The following MED12L variants were observed in gnomAD, a reference collection of about 807,000 sequenced individuals.
The protein encoded by MED12L is mediator of RNA polymerase II transcription subunit 12-like protein.
MED12L carries 60 observed loss-of-function variants against 281.3 expected under a neutral mutation model. The ratio of observed to expected loss-of-function variants is 0.21; its 90% CI spans 0.17 to 0.26. The LOEUF is 0.26. Ranked by LOEUF, MED12L falls within the 10% of genes least tolerant of loss-of-function variation. The pLI is 1.00. For missense variants in MED12L, 2,146 were observed against 2,680.9 expected (o/e 0.80, Z 4.41); for synonymous variants, 974 against 987.2 (o/e 0.99, Z 0.25).
intron 2 of MED12L, among the ~76,000 whole-genome samples, chr3:151,092,679 T>C (rs1195801457): frequency 2.0e-5 from 3 of 152,162 alleles, no homozygotes; most frequent in Non-Finnish European, 4.4e-5. Flanking sequence ...GGGGAGGATG[T>C]TGATAAAGTT....
At chr3:151,382,046 C>T (rs1241489009) in intron 32 of MED12L, among the ~76,000 whole-genome samples, 1 of 152,054 alleles carries the variant, frequency 6.6e-6, no homozygotes, top group Non-Finnish European at 1.5e-5. Flanking sequence ...CCACTTGTGG[C>T]TCCCTTTCCT....
intron 16 of MED12L, among the ~76,000 whole-genome samples, chr3:151,214,759 G>T (rs1012038266): frequency 6.6e-6 from 1 of 152,082 alleles, no homozygotes; most frequent in Non-Finnish European, 1.5e-5. Context: ...AATAATAATG[G>T]TTCCCTATAA....
rs369126102 is a variant in MED12L at position 151,199,016 on chromosome 3, C to T, written c.2250+5350C>T. On this transcript the variant is annotated intron_variant, in intron 16 of 44. Coordinates refer to ENST00000687756, the MANE Select transcript of MED12L (RefSeq NM_001393769.1). The stretch of plus-strand genomic sequence containing the variant: ...TTTGGCAAATCCGGGTTCTTGTATT[C>T]GGTAGATCTTGCAGCTGTGTGTCAG... The T allele has an allele frequency of 8.1e-6, 13 of 1,613,932 alleles. No homozygotes were observed. The African/African-American group carries it at 9.3e-5, about 12-fold the overall frequency.
intron 18 of MED12L, 66 bp from the exon 19 acceptor site, chr3:151,355,830 G>A: frequency 1.4e-6 from 2 of 1,409,320 alleles, no homozygotes; most frequent in Non-Finnish European, 1.9e-6. Context: ...AAGTAAAAAT[G>A]ATTTATCTTA....
intron 39 of MED12L, among the ~76,000 whole-genome samples, chr3:151,401,548 G>A (rs1170982269): frequency 2.6e-5 from 4 of 152,006 alleles, no homozygotes; most frequent in African/African-American, 7.2e-5. Context: ...CTGATTACCT[G>A]TGAGTTTAAC....
At chr3:151,324,839 A>C (rs1351640157) in intron 16 of MED12L, among the ~76,000 whole-genome samples, 2 of 152,152 alleles carry the variant, frequency 1.3e-5, no homozygotes, top group Non-Finnish European at 2.9e-5. Context: ...AAATGTTGAG[A>C]TGTGTTTCTG....
chr3:151,247,358 C>T (rs1735783802), intron 16 of MED12L, among the ~76,000 whole-genome samples: 1 of 152,034 alleles, frequency 6.6e-6, no homozygotes, highest in Non-Finnish European at 1.5e-5. Flanking sequence ...GACTTGGAAC[C>T]AAGCCAAATG....
At chr3:151,255,190 G>A (rs1019146904) in intron 16 of MED12L, among the ~76,000 whole-genome samples, 4 of 152,120 alleles carry the variant, frequency 2.6e-5, no homozygotes, top group African/African-American at 7.2e-5. Context: ...GTAAGAAGGA[G>A]CAATCTGAGG....
At chr3:151,388,805 A>G (rs1222070144) in intron 37 of MED12L, among the ~76,000 whole-genome samples, 1 of 152,232 alleles carries the variant, frequency 6.6e-6, no homozygotes, top group Non-Finnish European at 1.5e-5. Flanking sequence ...AATCTATTTG[A>G]TGGTGATTTA....
intron 2 of MED12L, among the ~76,000 whole-genome samples, chr3:151,088,692 A>G (rs1719602633): frequency 6.6e-6 from 1 of 152,108 alleles, no homozygotes; most frequent in African/African-American, 2.4e-5. Context: ...CATTTTATGG[A>G]GTTCTAAAAC....
At chr3:151,159,737 T>A in intron 7 of MED12L, 95 bp from the exon 8 acceptor site, 2 of 1,250,174 alleles carry the variant, frequency 1.6e-6, no homozygotes, top group Non-Finnish European at 2.2e-6. Context: ...GAAGTTTTTT[T>A]ATCTTTTTTA....
At chr3:151,204,219 G>A (rs948443789) in intron 16 of MED12L, among the ~76,000 whole-genome samples, 1 of 151,850 alleles carries the variant, frequency 6.6e-6, no homozygotes, top group African/African-American at 2.4e-5. Context: ...AATAATACTT[G>A]GTCAGTTTTC....
intron 16 of MED12L, among the ~76,000 whole-genome samples, chr3:151,258,548 T>TA (rs1738256428): frequency 6.6e-6 from 1 of 152,316 alleles, no homozygotes; most frequent in African/African-American, 2.4e-5. Context: ...GCTAAATCTC[T>TA]AGGGCTGTGG....
In MED12L at chr3:151,435,291, A is replaced by C. The variant is rs191339396; in HGVS notation, c.*2487A>C. On this transcript the variant is annotated 3_prime_UTR_variant, in exon 45 of 45. Transcript: ENST00000687756. ...GTTCTTGGATATAAGAAGCCCATAG[A>C]CTCTCTTGTTTACACTGTAGGCTTT... 10 of 151,546 alleles carry C rather than the reference A, an allele frequency of 6.6e-5. No homozygotes were observed. The highest frequency in any genetic ancestry group is 3.4e-3 in the Middle Eastern group (1 of 294). The allele number at this position is 151,546 out of a possible 1,614,324, so 9.4% of individuals were successfully genotyped here.
At chr3:151,087,328 C>T (rs183517536) in intron 2 of MED12L, among the ~76,000 whole-genome samples, 2 of 152,250 alleles carry the variant, frequency 1.3e-5, no homozygotes, top group Admixed American at 1.3e-4. Flanking sequence ...CTTGCTCGCT[C>T]TCACCCGTTT....
intron 39 of MED12L, among the ~76,000 whole-genome samples, chr3:151,402,186 A>G (rs527446744): frequency 6.6e-6 from 1 of 152,314 alleles, no homozygotes; most frequent in South Asian, 2.1e-4. Context: ...TATTGGTGAA[A>G]TCCTTTGCTT....
chr3:151,181,765 T>C (rs946436624), intron 11 of MED12L, among the ~76,000 whole-genome samples: 3 of 151,922 alleles, frequency 2.0e-5, no homozygotes, highest in Non-Finnish European at 2.9e-5. Flanking sequence ...TTTGTATTTT[T>C]AGTAGAGATG....
rs142076984 is a variant in MED12L, at chr3:151,369,775, T to C, written c.3664+226T>C. On this transcript the variant is annotated intron_variant, in intron 26 of 44. Transcript: ENST00000687756. ...GGGAACTTACATGTAATATTTTTTA[T>C]GGTATTTTAGTTGCATAATGTCTCA... 2.7e-3 allele frequency among the ~76,000 whole-genome samples: 417 copies of C among 152,332 alleles called. 1 individual carries two copies. The highest frequency in any genetic ancestry group is 0.01 in the Middle Eastern group (3 of 294).
rs768984130 is a variant in MED12L at position 151,376,164 on chromosome 3, T to C, written c.4003T>C (p.Cys1335Arg). The C allele has an allele frequency of 2.2e-5, 35 of 1,608,012 alleles. No individual in the cohort carries two copies. Among genetic ancestry groups the C allele is most frequent in the Non-Finnish European group, 3.0e-5 (35 of 1,177,938 alleles). The change falls in exon 28 of 45, where the codon TGT (cysteine) becomes CGT (arginine). Residue 1335 changes from cysteine (C) to arginine (R), a missense_variant. Physicochemically the swap from Cys to Arg is radical, Grantham distance 180. This residue lies in a region of MED12L where 235 missense variants were observed against 260.3 expected (regional missense o/e 0.90). Coordinates refer to ENST00000687756, the MANE Select transcript of MED12L (RefSeq NM_001393769.1). ...CTGTTATCCTCATGGCATTAAAGAA[T>C]GTACCGAGGGGGACAATCTGCAAAG... is the stretch of plus-strand genomic sequence containing the variant. ...LICYPHGIKE[C>R]TEGDNLQRQH...
Sources: gnomAD v4.1 joint callset for allele counts (sites outside exome capture counted in the v4.1 genomes callset) on GRCh38, gnomAD v4.1.1 for gene constraint, gnomAD v4.1.1 regional missense constraint, MANE v1.5 for transcripts, NCBI Gene and HGNC (gene_info 2026-07-23, HGNC 2026-07-21) for gene names.